The following KCTD13 variants were observed in gnomAD, a reference collection of about 807,000 sequenced individuals.
KCTD13 encodes the protein potassium channel tetramerization domain containing 13, also known as BTB/POZ domain-containing adapter for CUL3-mediated RhoA degradation protein 1.
A neutral mutation model predicts 32.3 loss-of-function variants in KCTD13; 15 were observed. That is an observed-to-expected ratio of 0.46 (90% CI 0.31 to 0.71). KCTD13 has a LOEUF of 0.71. Among genes scored for constraint, KCTD13 ranks in the 30% least tolerant of loss-of-function variants. KCTD13 has a pLI of 0.05. For missense variants in KCTD13, 337 were observed against 452.6 expected (o/e 0.74, Z 2.32); for synonymous variants, 189 against 200.1 (o/e 0.94, Z 0.47).
At chr16:29,916,811 A>C (rs1391954927) in intron 2 of KCTD13, among the ~76,000 whole-genome samples, 2 of 152,214 alleles carry the variant, frequency 1.3e-5, no homozygotes, top group African/African-American at 4.8e-5. Flanking sequence ...ATGAAGCTGC[A>C]GTCTGGATTT....
chr16:29,922,728 A>T, intron 2 of KCTD13: 1 of 342,578 alleles, frequency 2.9e-6, no homozygotes, highest in Non-Finnish European at 5.2e-6. Context: ...AAAAAAAAAA[A>T]AGAATTAGAA....
intron 1 of KCTD13, among the ~76,000 whole-genome samples, chr16:29,925,130 A>C (rs2068973722): frequency 2.6e-5 from 4 of 152,120 alleles, no homozygotes; most frequent in African/African-American, 4.8e-5. Flanking sequence ...CCCAAACTCC[A>C]AAACTTCAAA....
At chr16:29,923,392 G>A in intron 1 of KCTD13, 33 bp from the exon 2 acceptor site, 1 of 1,601,400 alleles carries the variant, frequency 6.2e-7, no homozygotes, top group Non-Finnish European at 8.5e-7. Flanking sequence ...GGGGAAAGAT[G>A]GCTTTGCTGC....
chr16:29,912,619 T>C (rs2068736072), intron 2 of KCTD13, among the ~76,000 whole-genome samples: 1 of 152,300 alleles, frequency 6.6e-6, no homozygotes, highest in Non-Finnish European at 1.5e-5. Context: ...TTTGTATTTT[T>C]AGTAGAGACG....
intron 2 of KCTD13, among the ~76,000 whole-genome samples, chr16:29,917,468 A>C (rs2068830385): frequency 6.6e-6 from 1 of 152,110 alleles, no homozygotes; most frequent in African/African-American, 2.4e-5. Context: ...CCAACATGGC[A>C]AAACCCCCTT....
At chr16:29,911,413 C>A in intron 4 of KCTD13, 1 of 563,810 alleles carries the variant, frequency 1.8e-6, no homozygotes, top group Non-Finnish European at 3.1e-6. Flanking sequence ...GGGAGCCAGG[C>A]CACCTCCCCG....
intron 1 of KCTD13, 98 bp from the exon 2 acceptor site, chr16:29,923,457 A>G (rs754089183): frequency 1.6e-5 from 17 of 1,034,376 alleles, no homozygotes; most frequent in Middle Eastern, 2.9e-4. Flanking sequence ...GAGTCTCACT[A>G]TGTTGCCCAG....
chr16:29,924,271 G>A (rs1325814497), intron 1 of KCTD13, among the ~76,000 whole-genome samples: 1 of 152,060 alleles, frequency 6.6e-6, no homozygotes, highest in East Asian at 1.9e-4. Context: ...CCACAGCCAA[G>A]AAATCTCTTT....
At chr16:29,910,602 T>A (rs1370595282) in intron 5 of KCTD13, among the ~76,000 whole-genome samples, 2 of 152,038 alleles carry the variant, frequency 1.3e-5, no homozygotes, top group Non-Finnish European at 2.9e-5. Flanking sequence ...CAAGTGATCC[T>A]CCTGCCTTGG....
intron 1 of KCTD13, 154 bp downstream of exon 1, chr16:29,925,636 G>A (rs1229384277): frequency 1.5e-6 from 1 of 684,490 alleles, no homozygotes; most frequent in South Asian, 1.8e-5. Context: ...GAAAGGGGAG[G>A]AGATGGGATG....
In KCTD13 at chr16:29,926,216, G is replaced by A. The variant is rs2068997327; in HGVS notation, c.-183C>T. ...TCGCTCGCACCACCCGGAAGCCGGC[G>A]CCGGGCAGCTGCGCAGGCGCGGCCC... On this transcript the variant is annotated 5_prime_UTR_variant, in exon 1 of 6. Transcript: ENST00000568000. The A allele has an allele frequency of 1.7e-5, 11 of 641,278 alleles. No individual in the cohort carries two copies. In the East Asian group the frequency reaches 3.9e-4, roughly 23 times the overall value. 39.7% of individuals were successfully genotyped at this position (641,278 alleles called of 1,614,324 possible). A position where few individuals can be genotyped will look rare whatever the true frequency, so the allele number is the denominator to read the frequency against.
rs2068719886 is a variant in KCTD13, at chr16:29,911,913, G to C, written c.505-46C>G. 4 of 1,609,650 alleles carry C rather than the reference G, an allele frequency of 2.5e-6. No homozygotes were observed. In the East Asian group the frequency reaches 8.9e-5, roughly 36 times the overall value. The stretch of plus-strand genomic sequence containing the variant: ...GACGAGAGGGGTGAGGCTGCAGGGA[G>C]AGGCCCCCCCAGTGAGCCTCCACCC... On this transcript the variant is annotated intron_variant, in intron 3 of 5. Coordinates refer to ENST00000568000, the MANE Select transcript of KCTD13 (RefSeq NM_178863.5).
In KCTD13 at chr16:29,911,143, G is replaced by A. The variant is rs772406021; in HGVS notation, c.588C>T (p.Ile196=). 23 of 1,614,120 alleles carry A rather than the reference G, an allele frequency of 1.4e-5. No homozygotes were observed. Among genetic ancestry groups the A allele is most frequent in the Non-Finnish European group, 1.8e-5 (21 of 1,179,998 alleles). The change falls in exon 5 of 6, where the codon ATC becomes ATT. Residue 196 remains isoleucine, a synonymous_variant. Coordinates refer to ENST00000568000, the MANE Select transcript of KCTD13 (RefSeq NM_178863.5). ...STSDDNLLKN[I]ELFDKLALRF... is the part of the protein sequence containing the mutation. Reference sequence around the variant, plus strand: ...GCAGGGCCAGCTTGTCGAACAGCTCGATGTTCTTAAGTAGGTTGTCATCTG... The same window carrying A: ...GCAGGGCCAGCTTGTCGAACAGCTCAATGTTCTTAAGTAGGTTGTCATCTG...
At chr16:29,912,762 C>T (rs926841147) in intron 2 of KCTD13, among the ~76,000 whole-genome samples, 2 of 152,134 alleles carry the variant, frequency 1.3e-5, no homozygotes, top group African/African-American at 4.8e-5. Context: ...TTCTACACAG[C>T]AGTTAGTGTC....
At chr16:29,912,943 C>T (rs2068742787) in intron 2 of KCTD13, among the ~76,000 whole-genome samples, 1 of 152,170 alleles carries the variant, frequency 6.6e-6, no homozygotes, top group East Asian at 1.9e-4. Context: ...GAAGCAAACC[C>T]ATGGGCTTCT....
At chr16:29,912,090 GC>G in intron 2 of KCTD13, 41 bp from the exon 3 acceptor site, 1 of 1,349,822 alleles carries the variant, frequency 7.4e-7, no homozygotes, top group Non-Finnish European at 1.0e-6. Context: ...ACAACCAAAG[GC>G]CACGTACTCC....
intron 1 of KCTD13, chr16:29,925,473 A>G: frequency 9.9e-6 from 4 of 404,128 alleles, no homozygotes; most frequent in South Asian, 6.7e-5. Flanking sequence ...CCAAGTCTTG[A>G]GCTGAGGGGT....
At chr16:29,912,190 C>T in intron 2 of KCTD13, 141 bp from the exon 3 acceptor site, 1 of 661,674 alleles carries the variant, frequency 1.5e-6, no homozygotes, top group Non-Finnish European at 2.7e-6. Flanking sequence ...GCTCCGCCAG[C>T]CTCTCTGCCA....
chr16:29,916,059 G>A (rs993458890), intron 2 of KCTD13, among the ~76,000 whole-genome samples: 4 of 152,026 alleles, frequency 2.6e-5, no homozygotes, highest in Non-Finnish European at 2.9e-5. Context: ...AAGCTCCTTA[G>A]CTAGACCATC....
Sources: allele counts gnomAD v4.1 joint callset (sites outside exome capture counted in the v4.1 genomes callset), GRCh38; gene constraint gnomAD v4.1.1; transcripts MANE v1.5; gene names NCBI Gene and HGNC (gene_info 2026-07-23, HGNC 2026-07-21).